TRIOBP: variants seen among roughly 807,000 people sequenced by gnomAD.
TRIOBP encodes the protein TRIO and F-actin-binding protein.
In TRIOBP, 169 loss-of-function variants were observed where a neutral mutation model predicts 238.8. That is an observed-to-expected ratio of 0.71 (90% CI 0.62 to 0.80). TRIOBP has a LOEUF of 0.80. Ranked by LOEUF, TRIOBP falls within the 30% of genes least tolerant of loss-of-function variation. TRIOBP has a pLI of 0.00. For synonymous variants in TRIOBP, 1,150 were observed against 1,274.4 expected (o/e 0.90, Z 2.08); for missense variants, 2,838 against 3,122.6 (o/e 0.91, Z 2.17).
chr22:37,762,196 T>C (rs1271163146), intron 17 of TRIOBP, among the ~76,000 whole-genome samples: 1 of 152,046 alleles, frequency 6.6e-6, no homozygotes, highest in Non-Finnish European at 1.5e-5. Context: ...GCCTCCTGAG[T>C]AGGAACCACA....
In TRIOBP at chr22:37,723,606, A is replaced by C. The variant is rs755546561; in HGVS notation, c.1050A>C (p.Gln350His). 3 of 1,613,958 alleles carry C rather than the reference A, an allele frequency of 1.9e-6. No homozygotes were observed. The highest frequency in any genetic ancestry group is 2.5e-6 in the Non-Finnish European group (3 of 1,179,972). ...PRASSPSRST[Q>H]LDNPRTSSTQ... ...CTTCCTCTCCCTCACGAAGCACCCA[A>C]CTGGATAACCCCAGAACCTCTTCTA... is the stretch of plus-strand genomic sequence containing the variant. The change falls in exon 7 of 24, where the codon CAA becomes CAC. Residue 350 changes from glutamine to histidine, a missense_variant. Gln to His is a conservative substitution (Grantham distance 24, BLOSUM62 0). Transcript: ENST00000644935.
At chr22:37,765,168 C>G (rs761276843) in intron 17 of TRIOBP, among the ~76,000 whole-genome samples, 1 of 152,226 alleles carries the variant, frequency 6.6e-6, no homozygotes, top group Non-Finnish European at 1.5e-5. Context: ...GTAGTCCCAG[C>G]TACTCACGAG....
At chr22:37,700,949 C>T (rs1483491358) in intron 2 of TRIOBP, among the ~76,000 whole-genome samples, 1 of 152,202 alleles carries the variant, frequency 6.6e-6, no homozygotes, top group East Asian at 1.9e-4. Context: ...ACCTCGGCCT[C>T]CCAAAGTGCT....
rs1001734812 is a variant in TRIOBP, at chr22:37,775,136, C to T, written c.*1356C>T. On this transcript the variant is annotated 3_prime_UTR_variant, in exon 24 of 24. Coordinates refer to ENST00000644935, the MANE Select transcript of TRIOBP (RefSeq NM_001039141.3). ...ATTTCTGAGCCACAGAAACAGGCCA[C>T]ATCCAGTAGGGGTCCTGGAAGGCTG... The T allele has an allele frequency of 1.3e-5, 2 of 152,218 alleles. No individual in the cohort carries two copies. The highest frequency in any genetic ancestry group is 2.9e-5 in the Non-Finnish European group (2 of 68,064). 9.4% of individuals were successfully genotyped at this position (152,218 alleles called of 1,614,324 possible).
At chr22:37,727,264 T>TC (rs1924219400) in intron 7 of TRIOBP, among the ~76,000 whole-genome samples, 1 of 151,748 alleles carries the variant, frequency 6.6e-6, no homozygotes, top group Non-Finnish European at 1.5e-5. Context: ...TTTTTTTTTT[T>TC]TTCTTCCGTG....
Position 37,726,448 on chromosome 22 carries a change from C to T in TRIOBP, c.3892C>T (p.Arg1298Cys), listed in dbSNP as rs370519121. Residue 1298 changes from arginine (R) to cysteine (C), a missense_variant, in exon 7 of 24, where the codon CGC becomes TGC. Physicochemically the swap from Arg to Cys is radical, Grantham distance 180. Transcript: ENST00000644935. ...GPQAQCSSGG[R>C]THSPGRAEVE... ...CCAGGCGCAGTGCAGCAGCGGGGGC[C>T]GCACCCACAGCCCTGGCCGTGCAGA... is the stretch of plus-strand genomic sequence containing the variant. The T allele has an allele frequency of 2.9e-5, 45 of 1,571,502 alleles. No homozygotes were observed. The highest frequency in any genetic ancestry group is 1.5e-4 in the South Asian group (13 of 87,220).
intron 12 of TRIOBP, 72 bp downstream of exon 12, chr22:37,751,900 G>T (rs913189561): frequency 3.9e-6 from 6 of 1,542,304 alleles, no homozygotes; most frequent in Admixed American, 3.4e-5. Flanking sequence ...GCCCAGGAGT[G>T]GGGGTGGGGC....
intron 2 of TRIOBP, among the ~76,000 whole-genome samples, chr22:37,698,017 G>A (rs922755655): frequency 6.6e-5 from 10 of 151,748 alleles, no homozygotes; most frequent in Admixed American, 2.6e-4. Flanking sequence ...GGCCCATATG[G>A]TGAAACCTCG....
At chr22:37,734,358 C>T in intron 8 of TRIOBP, 41 bp from the exon 9 acceptor site, 1 of 1,581,042 alleles carries the variant, frequency 6.3e-7, no homozygotes, top group Non-Finnish European at 8.7e-7. Context: ...AGCCAGGTCC[C>T]CAGAGAGAGA....
intron 21 of TRIOBP, among the ~76,000 whole-genome samples, chr22:37,769,708 A>C (rs1926671651): frequency 6.6e-6 from 1 of 152,004 alleles, no homozygotes; most frequent in South Asian, 2.1e-4. Context: ...TGCCAGTATC[A>C]CTGTAGTATT....
Position 37,772,596 on chromosome 22 carries a change from C to T in TRIOBP, c.6937-5C>T, listed in dbSNP as rs747086157. On this transcript the variant is annotated splice_region_variant and splice_polypyrimidine_tract_variant and intron_variant, in intron 22 of 23. Transcript: ENST00000644935. ...ATGCCCTCATACCTGCCTCCTGCCC[C>T]CCAGGACAAGCGCTTCACCTCGGGA... is the stretch of plus-strand genomic sequence containing the variant. 6.2e-7 allele frequency: 1 copy of T among 1,613,944 alleles called. No homozygotes were observed. The highest frequency in any genetic ancestry group is 8.5e-7 in the Non-Finnish European group (1 of 1,180,036).
At position 37,759,065 on chromosome 22, in the gene TRIOBP, G is replaced by A. The variant is rs947563032; in HGVS notation, c.6214-89G>A. 4 of 1,087,076 alleles carry A rather than the reference G, an allele frequency of 3.7e-6. No homozygotes were observed. The African/African-American group carries it at 6.2e-5, about 17-fold the overall frequency. 67.3% of individuals were successfully genotyped at this position (1,087,076 alleles called of 1,614,324 possible). On this transcript the variant is annotated intron_variant, in intron 16 of 23. Coordinates refer to ENST00000644935, the MANE Select transcript of TRIOBP (RefSeq NM_001039141.3). ...CCAGGGACGCTGGGCTTGTATCCGTGTGGAGCTGGAAGCCTGCGGGCTCCT... is the reference window on the plus strand; with the variant it reads ...CCAGGGACGCTGGGCTTGTATCCGTATGGAGCTGGAAGCCTGCGGGCTCCT...
At position 37,769,298 on chromosome 22, in the gene TRIOBP, C is replaced by A; in HGVS notation, c.6772C>A (p.Leu2258Met). The change falls in exon 21 of 24, where the codon CTG becomes ATG. Residue 2258 changes from leucine (L) to methionine (M), a missense_variant. Physicochemically the swap from Leu to Met is conservative, Grantham distance 15 (BLOSUM62 2). This residue lies in a region of TRIOBP where 2,096 missense variants were observed against 2,137.4 expected (regional missense o/e 0.98). Transcript: ENST00000644935. ...CCGCCTGTCAGAGGAGATAGACCAG[C>A]TGCGCGGCTTCATTGCCTCGCAGGG... Reference protein sequence around the residue: ...HGRLSEEIDQLRGFIASQGMG... With the variant: ...HGRLSEEIDQMRGFIASQGMG... 1 of 1,612,062 alleles carries A rather than the reference C, an allele frequency of 6.2e-7. No homozygotes were observed. The highest frequency in any genetic ancestry group is 8.5e-7 in the Non-Finnish European group (1 of 1,179,514).
chr22:37,735,288 C>T lies in TRIOBP; in HGVS notation c.4952C>T (p.Pro1651Leu), dbSNP rs762156953. ...GHSPALQSQS[P>L]VQLPSPACTS... ...AGCCCCGCACTGCAGTCCCAGAGCC[C>T]GGTCCAGCTGCCCAGCCCTGCCTGC... Residue 1651 changes from proline (P) to leucine (L), a missense_variant, in exon 9 of 24, where the codon CCG (proline) becomes CTG (leucine). Pro to Leu is a moderately conservative substitution (Grantham distance 98). This residue lies in a region of TRIOBP where 2,096 missense variants were observed against 2,137.4 expected (regional missense o/e 0.98). Transcript: ENST00000644935. 2.4e-5 allele frequency: 38 copies of T among 1,610,560 alleles called. No individual in the cohort carries two copies. The highest frequency in any genetic ancestry group is 7.7e-5 in the South Asian group (7 of 91,040).
rs1024886100 is a variant in TRIOBP, at chr22:37,775,891, G to A, written c.*2111G>A. On this transcript the variant is annotated 3_prime_UTR_variant, in exon 24 of 24. Transcript: ENST00000644935. ...AAAAATGGCAAAGAAGAAAGAGCCA[G>A]GACCCCGTGCCATCAAATCCTCCGG... The A allele has an allele frequency of 6.6e-6, 1 of 152,290 alleles. No individual in the cohort carries two copies. The highest frequency in any genetic ancestry group is 1.9e-4 in the East Asian group (1 of 5,200). The allele number at this position is 152,290 out of a possible 1,614,324, so 9.4% of individuals were successfully genotyped here. A position where few individuals can be genotyped will look rare whatever the true frequency, so the allele number is the denominator to read the frequency against.
intron 17 of TRIOBP, chr22:37,759,860 G>A (rs1484673985): frequency 1.2e-6 from 1 of 848,940 alleles, no homozygotes; most frequent in East Asian, 5.3e-5. Flanking sequence ...AAAAACGTGT[G>A]TGTGTACACA....
At chr22:37,771,995 C>G in intron 22 of TRIOBP, 1 of 545,438 alleles carries the variant, frequency 1.8e-6, no homozygotes, top group Non-Finnish European at 3.4e-6. Context: ...TTATTGAGCA[C>G]CTACTATATC....
intron 3 of TRIOBP, among the ~76,000 whole-genome samples, chr22:37,706,875 C>A (rs903329205): frequency 5.3e-5 from 8 of 152,168 alleles, no homozygotes; most frequent in African/African-American, 1.7e-4. Context: ...TCTCCTTTGG[C>A]AAATGCATGA....
At chr22:37,727,346 AT>A (rs1924224323) in intron 7 of TRIOBP, among the ~76,000 whole-genome samples, 1 of 151,172 alleles carries the variant, frequency 6.6e-6, no homozygotes, top group Middle Eastern at 3.4e-3. Flanking sequence ...GTCCCTATGC[AT>A]TTCAGAAAAC....
Sources: allele counts gnomAD v4.1 joint callset (sites outside exome capture counted in the v4.1 genomes callset), GRCh38; gene constraint gnomAD v4.1.1; regional missense constraint gnomAD v4.1.1; transcripts MANE v1.5; gene names NCBI Gene and HGNC (gene_info 2026-07-23, HGNC 2026-07-21).